The following PTPRG variants were observed in gnomAD, a reference collection of about 807,000 sequenced individuals.
PTPRG encodes the protein receptor-type tyrosine-protein phosphatase gamma.
Under a neutral mutation model 165.3 loss-of-function variants are expected in PTPRG, and 102 were observed. The ratio of observed to expected loss-of-function variants is 0.62; its 90% CI spans 0.53 to 0.73. The LOEUF (loss-of-function observed/expected upper bound fraction) is 0.73. Ranked by LOEUF, PTPRG falls within the 30% of genes least tolerant of loss-of-function variation. PTPRG has a pLI of 0.00. For synonymous variants in PTPRG, 675 were observed against 669.5 expected, an observed-to-expected ratio of 1.01 and a Z score of -0.13; for missense variants, 1,866 against 1,861.4, an observed-to-expected ratio of 1.00 and a Z score of -0.05.
At chr3:61,637,728 T>C (rs2106944682) in intron 1 of PTPRG, among the ~76,000 whole-genome samples, 1 of 152,188 alleles carries the variant, frequency 6.6e-6, no homozygotes, top group Admixed American at 6.5e-5. Flanking sequence ...AACTGTGGAT[T>C]TGTGTGTGTG....
rs2106952438 is a variant in PTPRG at position 62,243,855 on chromosome 3, T to A, written c.2424T>A (p.Pro808=). The A allele has an allele frequency of 1.3e-6, 2 of 1,596,244 alleles. No homozygotes were observed. Among genetic ancestry groups the A allele is most frequent in the East Asian group, 4.5e-5 (2 of 44,742 alleles). Residue 808 remains proline, a synonymous_variant, in exon 15 of 30, where the codon CCT becomes CCA. Coordinates refer to ENST00000474889, the MANE Select transcript of PTPRG (RefSeq NM_002841.4). ...TCTATGTGGAAGACAGCAGTTCACC[T>A]CGAGTGGTCCCTAATGAAAGTATCC... is the stretch of plus-strand genomic sequence containing the variant. The part of the protein sequence containing the change: ...AHFYVEDSSS[P]RVVPNESIPI...
intron 2 of PTPRG, among the ~76,000 whole-genome samples, chr3:61,850,670 A>G (rs1486150374): frequency 2.0e-5 from 3 of 151,976 alleles, no homozygotes; most frequent in Non-Finnish European, 2.9e-5. Context: ...CTTCTCCTTT[A>G]CTAGATGTTT....
intron 1 of PTPRG, among the ~76,000 whole-genome samples, chr3:61,585,280 C>CA (rs3039784): frequency 0.037 from 3,029 of 80,852 alleles, 90 homozygotes; most frequent in African/African-American, 0.078. Context: ...GACCCTGTCT[C>CA]AAAAAAAAAA....
At chr3:61,942,569 C>T (rs762605240) in intron 2 of PTPRG, among the ~76,000 whole-genome samples, 6 of 152,066 alleles carry the variant, frequency 3.9e-5, no homozygotes, top group Non-Finnish European at 7.3e-5. Flanking sequence ...TTCTCCTAAC[C>T]GTTATTTGAG....
intron 2 of PTPRG, among the ~76,000 whole-genome samples, chr3:61,869,985 C>G (rs1051996217): frequency 6.6e-6 from 1 of 152,006 alleles, no homozygotes. Flanking sequence ...CACCATGACC[C>G]CATCACCCTA....
rs1348173531 is a variant in PTPRG at position 62,171,684 on chromosome 3, T to A, written c.1033+3521T>A. Among the ~76,000 whole-genome samples, 11 of 152,282 alleles carry A rather than the reference T, an allele frequency of 7.2e-5. No individual in the cohort carries two copies. In the East Asian group the frequency reaches 1.7e-3, roughly 24 times the overall value. On this transcript the variant is annotated intron_variant, in intron 8 of 29. Transcript: ENST00000474889. Reference sequence around the variant, plus strand: ...ATGTATCAGTAGGTCATTTTTTTTTTATTGCTGAATAGTGTCCCTATTTTT... The same window carrying A: ...ATGTATCAGTAGGTCATTTTTTTTTAATTGCTGAATAGTGTCCCTATTTTT...
intron 2 of PTPRG, among the ~76,000 whole-genome samples, chr3:61,865,418 TAG>T (rs1326681087): frequency 6.6e-6 from 1 of 152,180 alleles, no homozygotes; most frequent in Non-Finnish European, 1.5e-5. Context: ...AACGGGATAT[TAG>T]AGTTCTGAGT....
chr3:62,033,759 A>G (rs1238220823), intron 4 of PTPRG, among the ~76,000 whole-genome samples: 2 of 151,958 alleles, frequency 1.3e-5, no homozygotes, highest in Non-Finnish European at 2.9e-5. Flanking sequence ...AGCAACCCTC[A>G]TTGTTGACTG....
At chr3:61,818,983 AAT>A (rs2035875785) in intron 2 of PTPRG, among the ~76,000 whole-genome samples, 1 of 152,132 alleles carries the variant, frequency 6.6e-6, no homozygotes, top group Admixed American at 6.6e-5. Context: ...CCAGATAAAT[AAT>A]ATAGAGAAAG....
At chr3:62,289,600 T>TA (rs1702799488) in intron 28 of PTPRG, among the ~76,000 whole-genome samples, 1 of 151,584 alleles carries the variant, frequency 6.6e-6, no homozygotes, top group Non-Finnish European at 1.5e-5. Context: ...TTTTGATATA[T>TA]TATCAAAAGT....
At chr3:62,072,788 A>G (rs1202466477) in intron 4 of PTPRG, among the ~76,000 whole-genome samples, 1 of 152,212 alleles carries the variant, frequency 6.6e-6, no homozygotes, top group Non-Finnish European at 1.5e-5. Flanking sequence ...CCTTTAAGCT[A>G]TATAGTTTTC....
At chr3:61,753,677 C>T (rs1260273521) in intron 2 of PTPRG, 1 of 424,120 alleles carries the variant, frequency 2.4e-6, no homozygotes, top group Non-Finnish European at 4.6e-6. Flanking sequence ...CCCCCAACCC[C>T]CTGCTTCCTG....
rs139139698 is a variant in PTPRG at position 61,660,032 on chromosome 3, C to G, written c.86-88846C>G. Among the ~76,000 whole-genome samples, 1,011 of 152,188 alleles carry G rather than the reference C, an allele frequency of 6.6e-3. 10 individuals carry two copies. Among genetic ancestry groups the G allele is most frequent in the African/African-American group, 0.023 (955 of 41,512 alleles). On this transcript the variant is annotated intron_variant, in intron 1 of 29. Transcript: ENST00000474889. ...ACGAGGTCAGGAGATAGAGACCATCCTGGCCAACATGGTGAAACCCTGTCT... is the reference window on the plus strand; with the variant it reads ...ACGAGGTCAGGAGATAGAGACCATCGTGGCCAACATGGTGAAACCCTGTCT...
intron 2 of PTPRG, among the ~76,000 whole-genome samples, chr3:61,891,367 G>A (rs2038209330): frequency 6.6e-6 from 1 of 152,082 alleles, no homozygotes; most frequent in Non-Finnish European, 1.5e-5. Context: ...CCTACCCTGC[G>A]TTTGATCCCA....
intron 3 of PTPRG, among the ~76,000 whole-genome samples, chr3:61,992,468 C>A (rs1399519007): frequency 2.0e-5 from 3 of 151,702 alleles, no homozygotes; most frequent in Non-Finnish European, 2.9e-5. Flanking sequence ...CAAGCAGTTT[C>A]CGTGCCTCAT....
chr3:61,664,921 A>G (rs996997581), intron 1 of PTPRG, among the ~76,000 whole-genome samples: 9 of 152,210 alleles, frequency 5.9e-5, no homozygotes, highest in African/African-American at 2.2e-4. Flanking sequence ...GGGTTATGTG[A>G]AATTTAAGGA....
chr3:61,790,186 C>T (rs2034829583), intron 2 of PTPRG, among the ~76,000 whole-genome samples: 1 of 152,172 alleles, frequency 6.6e-6, no homozygotes, highest in Admixed American at 6.5e-5. Context: ...CACACTTGTA[C>T]TGGAGGAACC....
intron 1 of PTPRG, among the ~76,000 whole-genome samples, chr3:61,584,822 A>G (rs946860437): frequency 6.6e-6 from 1 of 152,158 alleles, no homozygotes; most frequent in Non-Finnish European, 1.5e-5. Context: ...CCTGCCCCAG[A>G]CCAATGGAAT....
At chr3:62,039,229 C>T (rs1473063633) in intron 4 of PTPRG, among the ~76,000 whole-genome samples, 1 of 151,296 alleles carries the variant, frequency 6.6e-6, no homozygotes. Flanking sequence ...GCCACCACCC[C>T]TAGCCAAGAG....
Sources: gnomAD v4.1 joint callset for allele counts (sites outside exome capture counted in the v4.1 genomes callset) on GRCh38, gnomAD v4.1.1 for gene constraint, MANE v1.5 for transcripts, NCBI Gene and HGNC (gene_info 2026-07-23, HGNC 2026-07-21) for gene names.